Variants in ATXN7L1 observed in about 807,000 individuals in gnomAD.
ATXN7L1 encodes the protein ataxin 7 like 1.
A neutral mutation model predicts 70.8 loss-of-function variants in ATXN7L1; 15 were observed. The ratio of observed to expected loss-of-function variants is 0.21; its 90% CI spans 0.14 to 0.33. The LOEUF (loss-of-function observed/expected upper bound fraction) is 0.33. Ranked by LOEUF, ATXN7L1 falls within the 10% of genes least tolerant of loss-of-function variation. ATXN7L1 has a pLI of 1.00. For missense variants in ATXN7L1, 975 were observed against 1,097.1 expected (o/e 0.89, Z 1.57); for synonymous variants, 440 against 445.1 (o/e 0.99, Z 0.14).
In ATXN7L1 at chr7:105,643,340, T is replaced by C. The variant is rs185074741; in HGVS notation, c.579-219A>G. The stretch of plus-strand genomic sequence containing the variant: ...GGCTGGCACAGTGTCAGGGGTGGCA[T>C]CAGGGCTGACTGATTACCGCCCGTG... On this transcript the variant is annotated intron_variant, in intron 4 of 11. Transcript: ENST00000419735. 2.2e-4 allele frequency among the ~76,000 whole-genome samples: 33 copies of C among 152,202 alleles called. No individual in the cohort carries two copies. In the East Asian group the frequency reaches 5.0e-3, roughly 23 times the overall value.
At chr7:105,620,422 G>A in intron 8 of ATXN7L1, 101 bp from the exon 9 acceptor site, 1 of 1,276,596 alleles carries the variant, frequency 7.8e-7, no homozygotes, top group Non-Finnish European at 1.0e-6. Flanking sequence ...CAAGGGCACA[G>A]TTTTACTCAA....
At chr7:105,641,409 T>C (rs1360435888) in intron 5 of ATXN7L1, among the ~76,000 whole-genome samples, 1 of 151,668 alleles carries the variant, frequency 6.6e-6, no homozygotes, top group Non-Finnish European at 1.5e-5. Context: ...CTGAGCAGGC[T>C]GTTGGCTGAG....
chr7:105,853,838 G>A (rs547866162), intron 2 of ATXN7L1, among the ~76,000 whole-genome samples: 2 of 152,202 alleles, frequency 1.3e-5, no homozygotes, highest in Admixed American at 6.5e-5. Flanking sequence ...CAAAAAGGGC[G>A]GGCGGTAGGG....
At chr7:105,792,606 T>G (rs1190427774) in intron 2 of ATXN7L1, among the ~76,000 whole-genome samples, 1 of 152,226 alleles carries the variant, frequency 6.6e-6, no homozygotes, top group Admixed American at 6.5e-5. Context: ...AAACGTTCGG[T>G]GCACAGTTAA....
chr7:105,796,330 C>T (rs1400294289), intron 2 of ATXN7L1, among the ~76,000 whole-genome samples: 2 of 152,088 alleles, frequency 1.3e-5, no homozygotes, highest in Non-Finnish European at 2.9e-5. Context: ...CCACTGTAAT[C>T]CAGCCTGGCA....
At chr7:105,655,996 T>C (rs1376024244) in intron 4 of ATXN7L1, among the ~76,000 whole-genome samples, 1 of 152,250 alleles carries the variant, frequency 6.6e-6, no homozygotes, top group Non-Finnish European at 1.5e-5. Context: ...ATATTTAGCA[T>C]TCAACACACA....
intron 3 of ATXN7L1, among the ~76,000 whole-genome samples, chr7:105,772,223 G>A (rs969954554): frequency 6.6e-6 from 1 of 151,884 alleles, no homozygotes; most frequent in African/African-American, 2.4e-5. Flanking sequence ...ACAGGCACAT[G>A]CCACCACACC....
chr7:105,627,533 G>GA (rs1212389172), intron 7 of ATXN7L1, among the ~76,000 whole-genome samples: 1 of 127,596 alleles, frequency 7.8e-6, no homozygotes, highest in Non-Finnish European at 1.6e-5. Flanking sequence ...ACTGTGCTAG[G>GA]CCTTTTTTTT....
rs192704816 is a variant in ATXN7L1 at position 105,683,669 on chromosome 7, C to T, written c.356-18381G>A. On this transcript the variant is annotated intron_variant, in intron 3 of 11. Transcript: ENST00000419735. ...CAGCCTGGGTGACAGAGCGAGATTC[C>T]GTCTCAAAACAAACAAACAAAAACC... 1.5e-4 allele frequency among the ~76,000 whole-genome samples: 23 copies of T among 152,032 alleles called. No homozygotes were observed. The East Asian group carries it at 3.9e-3, about 26-fold the overall frequency.
At chr7:105,860,003 G>A (rs1261188525) in intron 2 of ATXN7L1, among the ~76,000 whole-genome samples, 4 of 149,490 alleles carry the variant, frequency 2.7e-5, no homozygotes, top group South Asian at 4.2e-4. Context: ...GGCTGGTCTC[G>A]AACTCCTGAC....
intron 2 of ATXN7L1, among the ~76,000 whole-genome samples, chr7:105,868,742 T>TA (rs572510176): frequency 2.6e-5 from 4 of 151,994 alleles, no homozygotes; most frequent in Non-Finnish European, 4.4e-5. Context: ...TGAACATTAT[T>TA]AAAAAAAATA....
chr7:105,763,864 CT>C (rs1274206179), intron 3 of ATXN7L1, among the ~76,000 whole-genome samples: 1 of 151,048 alleles, frequency 6.6e-6, no homozygotes, highest in Non-Finnish European at 1.5e-5. Context: ...TGTTTGTTTG[CT>C]TTTTTTGAGA....
At chr7:105,831,815 G>A (rs1048306631) in intron 2 of ATXN7L1, among the ~76,000 whole-genome samples, 2 of 152,192 alleles carry the variant, frequency 1.3e-5, no homozygotes, top group Admixed American at 6.5e-5. Context: ...GCCCAGAAAG[G>A]CTACCCTTGA....
intron 3 of ATXN7L1, among the ~76,000 whole-genome samples, chr7:105,774,353 C>CTTTT (rs34037396): frequency 1.5e-5 from 2 of 135,400 alleles, no homozygotes; most frequent in African/African-American, 5.6e-5. Flanking sequence ...GCCAGCAACC[C>CTTTT]TTTTTTTTTT....
At position 105,604,895 on chromosome 7, in the gene ATXN7L1, TTC is replaced by T. The variant is rs911263251; in HGVS notation, c.*2955_*2956del. Among the ~76,000 whole-genome samples the T allele has an allele frequency of 1.6e-4, 25 of 152,124 alleles. No homozygotes were observed. The highest frequency in any genetic ancestry group is 5.8e-4 in the African/African-American group (24 of 41,412). On this transcript the variant is annotated 3_prime_UTR_variant, in exon 12 of 12. Coordinates refer to ENST00000419735, the MANE Select transcript of ATXN7L1 (RefSeq NM_020725.2). ...AAAATATAAGGTGTAAATAGAAAAT[TTC>T]TTTTTTTCCTTTTTTAAAACAAGAG...
chr7:105,746,507 G>C (rs1335102341), intron 3 of ATXN7L1, among the ~76,000 whole-genome samples: 2 of 152,164 alleles, frequency 1.3e-5, no homozygotes, highest in Non-Finnish European at 2.9e-5. Context: ...TCTCTGCCTA[G>C]AGTCCTTTGG....
chr7:105,701,229 T>C (rs1202000537), intron 3 of ATXN7L1, among the ~76,000 whole-genome samples: 1 of 152,166 alleles, frequency 6.6e-6, no homozygotes, highest in East Asian at 1.9e-4. Flanking sequence ...ATCCATTCAA[T>C]GGAATGCTGG....
intron 2 of ATXN7L1, among the ~76,000 whole-genome samples, chr7:105,817,655 AC>A (rs1244462051): frequency 6.6e-6 from 1 of 152,148 alleles, no homozygotes; most frequent in African/African-American, 2.4e-5. Context: ...AATGGCTCAC[AC>A]CTATAATCCC....
chr7:105,704,772 G>A (rs543965557), intron 3 of ATXN7L1, among the ~76,000 whole-genome samples: 18 of 151,388 alleles, frequency 1.2e-4, no homozygotes, highest in African/African-American at 3.6e-4. Context: ...CATCACACCC[G>A]GCTAATTTTT....
Sources: gnomAD v4.1 joint callset for allele counts (sites outside exome capture counted in the v4.1 genomes callset) on GRCh38, gnomAD v4.1.1 for gene constraint, MANE v1.5 for transcripts, NCBI Gene and HGNC (gene_info 2026-07-23, HGNC 2026-07-21) for gene names.